The following TNFSF13B variants were observed in gnomAD, a reference collection of about 807,000 sequenced individuals.
TNFSF13B encodes tumor necrosis factor ligand superfamily member 13B.
A neutral mutation model predicts 29.1 loss-of-function variants in TNFSF13B; 8 were observed. The ratio of observed to expected loss-of-function variants is 0.27; its 90% CI spans 0.16 to 0.50. The LOEUF is 0.50. TNFSF13B is among the 20% of genes least tolerant of loss of function. The probability of loss-of-function intolerance (pLI) is 0.98; values close to 1 mark genes in which losing one functional copy is unlikely to be tolerated. For missense variants in TNFSF13B, 248 were observed against 334.9 expected, an observed-to-expected ratio of 0.74 and a Z score of 2.03; for synonymous variants, 125 against 130.8, an observed-to-expected ratio of 0.96 and a Z score of 0.30.
intron 3 of TNFSF13B, chr13:108,302,626 C>G (rs2139069929): frequency 6.1e-6 from 1 of 164,176 alleles, no homozygotes; most frequent in African/African-American, 2.4e-5. Context: ...TTGTCACTAC[C>G]CAAGTGACTT....
intron 2 of TNFSF13B, among the ~76,000 whole-genome samples, chr13:108,285,894 T>G (rs1881113471): frequency 6.6e-6 from 1 of 152,246 alleles, no homozygotes; most frequent in African/African-American, 2.4e-5. Context: ...CATTTACTGC[T>G]TTATTGTATC....
chr13:108,278,401 G>T (rs1277808551), intron 2 of TNFSF13B, among the ~76,000 whole-genome samples: 1 of 151,898 alleles, frequency 6.6e-6, no homozygotes, highest in African/African-American at 2.4e-5. Flanking sequence ...ATGAGGACAA[G>T]GTAGAAATAG....
intron 5 of TNFSF13B, among the ~76,000 whole-genome samples, chr13:108,306,221 C>T (rs1276016051): frequency 6.6e-6 from 1 of 151,968 alleles, no homozygotes; most frequent in South Asian, 2.1e-4. Context: ...TAAAGACAAA[C>T]ATGGTCATCT....
chr13:108,270,330 CT>C lies in TNFSF13B; in HGVS notation c.340-9del, dbSNP rs1309630027. The C allele has an allele frequency of 6.2e-7, 1 of 1,614,020 alleles. No individual in the cohort carries two copies. The highest frequency in any genetic ancestry group is 1.3e-5 in the African/African-American group (1 of 74,928). On this transcript the variant is annotated splice_polypyrimidine_tract_variant and intron_variant, in intron 1 of 5. Coordinates refer to ENST00000375887, the MANE Select transcript of TNFSF13B (RefSeq NM_006573.5). ...GTCTTTCTAATAACTTGAAGTTTTT[CT>C]GTTCATAGATCTTTGAACCACCAGC...
rs989194091 is a variant in TNFSF13B, at chr13:108,307,482, T to C, written c.*544T>C. ...AGACACATGAAAAAATAACTAAAAG[T>C]TTAAATTTAAATATGAAACAATTTT... On this transcript the variant is annotated 3_prime_UTR_variant, in exon 6 of 6. Coordinates refer to ENST00000375887, the MANE Select transcript of TNFSF13B (RefSeq NM_006573.5). 2 of 152,132 alleles carry C rather than the reference T, an allele frequency of 1.3e-5. No homozygotes were observed. The highest frequency in any genetic ancestry group is 6.6e-5 in the Admixed American group (1 of 15,240). The allele number at this position is 152,132 out of a possible 1,614,324, so 9.4% of individuals were successfully genotyped here. A position where few individuals can be genotyped will look rare whatever the true frequency, so the allele number is the denominator to read the frequency against.
In TNFSF13B at chr13:108,270,192, G is replaced by A. The variant is rs773242529; in HGVS notation, c.297G>A (p.Lys99=). The change falls in exon 1 of 6, where the codon AAG becomes AAA. Residue 99 remains lysine (K), a synonymous_variant. Coordinates refer to ENST00000375887, the MANE Select transcript of TNFSF13B (RefSeq NM_006573.5). The part of the protein sequence containing the change: ...EKLPAGAGAP[K]AGLEEAPAVT... ...TGCCAGCAGGAGCAGGAGCCCCCAA[G>A]GCCGGCCTGGAGGAAGCTCCAGCTG... 7 of 1,602,304 alleles carry A rather than the reference G, an allele frequency of 4.4e-6. No individual in the cohort carries two copies. The Admixed American group carries it at 6.7e-5, about 15-fold the overall frequency.
At position 108,279,845 on chromosome 13, in the gene TNFSF13B, A is replaced by G. The variant is rs188532438; in HGVS notation, c.425-6958A>G. On this transcript the variant is annotated intron_variant, in intron 2 of 5. Transcript: ENST00000375887. Reference sequence around the variant, plus strand: ...TCCCTCCCAACATCACCCTCTGCATAGATTCATGAGCTGTTAATTTTGTCC... The same window carrying G: ...TCCCTCCCAACATCACCCTCTGCATGGATTCATGAGCTGTTAATTTTGTCC... Among the ~76,000 whole-genome samples the G allele has an allele frequency of 8.2e-4, 125 of 152,136 alleles. 1 individual carries two copies. Among genetic ancestry groups the G allele is most frequent in the Admixed American group, 2.3e-3 (35 of 15,298 alleles).
chr13:108,308,223 C>T lies in TNFSF13B; in HGVS notation c.*1285C>T, dbSNP rs999644914. On this transcript the variant is annotated 3_prime_UTR_variant, in exon 6 of 6. Transcript: ENST00000375887. ...TATCAAAATACTTTTCAAGGATATA[C>T]TTTTCAAAACAAACGATTTAAATTT... 1.3e-5 allele frequency: 2 copies of T among 152,034 alleles called. No homozygotes were observed. Among genetic ancestry groups the T allele is most frequent in the African/African-American group, 4.8e-5 (2 of 41,400 alleles). 9.4% of individuals were successfully genotyped at this position (152,034 alleles called of 1,614,324 possible).
chr13:108,270,280 C>T, intron 1 of TNFSF13B, 46 bp downstream of exon 1: 1 of 1,613,172 alleles, frequency 6.2e-7, no homozygotes, highest in Non-Finnish European at 8.5e-7. Context: ...CCTGCCTACA[C>T]TGCTGCCTCT....
intron 2 of TNFSF13B, among the ~76,000 whole-genome samples, chr13:108,284,438 G>C (rs943903648): frequency 6.6e-6 from 1 of 152,164 alleles, no homozygotes; most frequent in Admixed American, 6.5e-5. Context: ...TATTTCTTTA[G>C]CCTTTATCAG....
chr13:108,281,773 C>T (rs529137631), intron 2 of TNFSF13B, among the ~76,000 whole-genome samples: 23 of 152,136 alleles, frequency 1.5e-4, no homozygotes, highest in Non-Finnish European at 3.1e-4. Flanking sequence ...AACTGCTTAT[C>T]GTTGGTCAAC....
At chr13:108,270,267 G>A (rs529012391) in intron 1 of TNFSF13B, 33 bp downstream of exon 1, 5 of 1,612,308 alleles carry the variant, frequency 3.1e-6, no homozygotes, top group African/African-American at 1.3e-5. Flanking sequence ...ACGCAGGCAA[G>A]ATCCTGCCTA....
intron 2 of TNFSF13B, among the ~76,000 whole-genome samples, chr13:108,274,442 T>A (rs377349328): frequency 6.6e-6 from 1 of 151,818 alleles, no homozygotes; most frequent in Non-Finnish European, 1.5e-5. Flanking sequence ...TAGGACATAG[T>A]ATACACACTC....
chr13:108,305,729 G>A (rs140556016), intron 5 of TNFSF13B, among the ~76,000 whole-genome samples: 2 of 152,088 alleles, frequency 1.3e-5, no homozygotes, highest in East Asian at 3.8e-4. Flanking sequence ...TTACAAAAAA[G>A]CATACCCAGT....
chr13:108,282,560 G>T (rs1227521039), intron 2 of TNFSF13B, among the ~76,000 whole-genome samples: 1 of 152,164 alleles, frequency 6.6e-6, no homozygotes, highest in Admixed American at 6.5e-5. Flanking sequence ...GAATTTTATT[G>T]TGTTAAATAT....
chr13:108,289,852 G>A (rs1007944817), intron 3 of TNFSF13B, among the ~76,000 whole-genome samples: 1 of 151,852 alleles, frequency 6.6e-6, no homozygotes, highest in African/African-American at 2.4e-5. Context: ...AAGAGAAAAA[G>A]ACAAGAGGGG....
intron 2 of TNFSF13B, among the ~76,000 whole-genome samples, chr13:108,286,103 G>A (rs940220889): frequency 6.6e-6 from 1 of 152,148 alleles, no homozygotes; most frequent in Non-Finnish European, 1.5e-5. Context: ...TGTAAAAGAT[G>A]TTCTATCTCT....
intron 2 of TNFSF13B, among the ~76,000 whole-genome samples, chr13:108,275,750 A>T (rs967705835): frequency 6.6e-6 from 1 of 152,158 alleles, no homozygotes; most frequent in African/African-American, 2.4e-5. Context: ...CTAACATCTT[A>T]TATGAACATG....
chr13:108,270,791 A>G (rs953327908), intron 2 of TNFSF13B, among the ~76,000 whole-genome samples: 1 of 152,340 alleles, frequency 6.6e-6, no homozygotes, highest in East Asian at 1.9e-4. Flanking sequence ...AAAAAGCATT[A>G]CATGTTAGAA....
Sources: gnomAD v4.1 joint callset for allele counts (sites outside exome capture counted in the v4.1 genomes callset) on GRCh38, gnomAD v4.1.1 for gene constraint, MANE v1.5 for transcripts, NCBI Gene and HGNC (gene_info 2026-07-23, HGNC 2026-07-21) for gene names.